Variants in KDM6A observed in about 807,000 individuals in gnomAD.
The protein encoded by KDM6A is lysine-specific demethylase 6A.
In KDM6A, 11 loss-of-function variants were observed where a neutral mutation model predicts 117.6. That is an observed-to-expected ratio of 0.09 (90% CI 0.06 to 0.15). The LOEUF is 0.15. KDM6A is among the 10% of genes least tolerant of loss of function. KDM6A has a pLI of 1.00. For synonymous variants in KDM6A, 384 were observed against 396.1 expected, an observed-to-expected ratio of 0.97 and a Z score of 0.36; for missense variants, 799 against 1,077.3, an observed-to-expected ratio of 0.74 and a Z score of 3.62.
At chrX:44,963,297 TA>T (rs903739439) in intron 3 of KDM6A, among the ~76,000 whole-genome samples, 19 of 105,303 alleles carry the variant, frequency 1.8e-4, no homozygotes, top group East Asian at 3.0e-4. Context: ...CCCCCTATCT[TA>T]AAAAAAAAAA....
At chrX:44,903,460 T>G (rs2034477008) in intron 2 of KDM6A, among the ~76,000 whole-genome samples, 1 of 111,942 alleles carries the variant, frequency 8.9e-6, no homozygotes, top group African/African-American at 3.2e-5. Flanking sequence ...TTCATTGAGC[T>G]TTTTGGACGT....
At chrX:45,025,531 T>C (rs928344289) in intron 6 of KDM6A, among the ~76,000 whole-genome samples, 2 of 107,536 alleles carry the variant, frequency 1.9e-5, no homozygotes, top group African/African-American at 6.6e-5. Context: ...CAGTATATAT[T>C]TGAAGCAGTG....
intron 4 of KDM6A, among the ~76,000 whole-genome samples, chrX:44,988,127 A>G (rs1253798526): frequency 1.8e-5 from 2 of 111,229 alleles, no homozygotes; most frequent in South Asian, 7.6e-4. Flanking sequence ...TTTTTTCTCT[A>G]AACTTCTCTT....
intron 17 of KDM6A, among the ~76,000 whole-genome samples, chrX:45,068,786 TTCTTTCTCTTTC>T (rs758877055): frequency 3.9e-4 from 33 of 85,452 alleles, no homozygotes; most frequent in East Asian, 2.3e-3. Context: ...CTCCTCTCTC[TTCTTTCTCTTTC>T]TCTTTCTCTT....
At chrX:45,013,727 A>G (rs1362970500) in intron 5 of KDM6A, among the ~76,000 whole-genome samples, 1 of 111,833 alleles carries the variant, frequency 8.9e-6, no homozygotes, top group Non-Finnish European at 1.9e-5. Context: ...CTCACACCCT[A>G]TCTTATGAAT....
intron 8 of KDM6A, among the ~76,000 whole-genome samples, chrX:45,038,708 A>G (rs2042922705): frequency 9.1e-6 from 1 of 110,352 alleles, no homozygotes; most frequent in Non-Finnish European, 1.9e-5. Context: ...ACCATGGCAC[A>G]TGTATACCTA....
rs932031182 is a variant in KDM6A, at chrX:44,896,513, A to C, written c.225+22526A>C. Among the ~76,000 whole-genome samples the C allele has an allele frequency of 9.8e-5, 11 of 111,758 alleles. No homozygotes were observed. The Admixed American group carries it at 1.0e-3, about 11-fold the overall frequency. The stretch of plus-strand genomic sequence containing the variant: ...TAGTAAGCAGAACTAAAAAAAGATA[A>C]AAAGAAACTCATGCGTAGTATGATA... On this transcript the variant is annotated intron_variant, in intron 2 of 29. Coordinates refer to ENST00000611820, the MANE Select transcript of KDM6A (RefSeq NM_001291415.2).
chrX:44,985,198 A>T (rs1176122038), intron 4 of KDM6A, among the ~76,000 whole-genome samples: 1 of 111,143 alleles, frequency 9.0e-6, no homozygotes. Flanking sequence ...TTCACTCATG[A>T]TTTGACTCTC....
chrX:44,898,517 T>A (rs900528471), intron 2 of KDM6A, among the ~76,000 whole-genome samples: 6 of 111,476 alleles, frequency 5.4e-5, no homozygotes, highest in African/African-American at 2.0e-4. Flanking sequence ...ACACCAGGCC[T>A]GTGTGTGCAG....
chrX:44,933,068 A>C (rs1347476955), intron 2 of KDM6A, among the ~76,000 whole-genome samples: 1 of 105,211 alleles, frequency 9.5e-6, no homozygotes, highest in East Asian at 3.0e-4. Context: ...TTTTATTTTT[A>C]GTAGAGACGG....
intron 2 of KDM6A, among the ~76,000 whole-genome samples, chrX:44,887,617 C>T (rs2033000577): frequency 9.0e-6 from 1 of 111,107 alleles, no homozygotes; most frequent in African/African-American, 3.3e-5. Flanking sequence ...TTGGATTGAT[C>T]CTGGAGAACC....
chrX:45,033,269 A>G (rs969257178), intron 6 of KDM6A, among the ~76,000 whole-genome samples: 3 of 112,278 alleles, frequency 2.7e-5, no homozygotes, highest in African/African-American at 9.7e-5. Context: ...TCTGTTCTCT[A>G]TTGCTATGGT....
rs10605935 is a variant in KDM6A, at chrX:45,076,679, CTTTT to C, written c.2859-8_2859-5del. 13 of 831,470 alleles carry C rather than the reference CTTTT, an allele frequency of 1.6e-5. No individual in the cohort carries two copies. Among genetic ancestry groups the C allele is most frequent in the Non-Finnish European group, 2.0e-5 (12 of 591,390 alleles). The allele number at this position is 831,470 out of a possible 1,213,427, so 68.5% of individuals were successfully genotyped here. ...CAAATAAATGTACAACTGATTATCCCTTTTTTTTTTTTTCCAGGAATCTAGGTAA... is the reference window on the plus strand; with the variant it reads ...CAAATAAATGTACAACTGATTATCCCTTTTTTTTTCCAGGAATCTAGGTAA... On this transcript the variant is annotated splice_polypyrimidine_tract_variant and intron_variant, in intron 18 of 29. Coordinates refer to ENST00000611820, the MANE Select transcript of KDM6A (RefSeq NM_001291415.2).
intron 19 of KDM6A, among the ~76,000 whole-genome samples, chrX:45,078,145 T>C (rs929578036): frequency 2.1e-4 from 24 of 112,231 alleles, no homozygotes; most frequent in African/African-American, 7.4e-4. Flanking sequence ...AACACTTTGA[T>C]TTTGAAGTTT....
chrX:45,082,283 A>G (rs2045445651), intron 21 of KDM6A: 1 of 278,779 alleles, frequency 3.6e-6, no homozygotes, highest in Non-Finnish European at 6.3e-6. Context: ...AAATACAAAA[A>G]TTAGCTGGGC....
intron 4 of KDM6A, among the ~76,000 whole-genome samples, chrX:44,975,987 G>C (rs1022097480): frequency 8.0e-5 from 9 of 112,185 alleles, no homozygotes; most frequent in African/African-American, 2.9e-4. Context: ...TTTGTGAGGT[G>C]GAAACCTGCT....
intron 4 of KDM6A, among the ~76,000 whole-genome samples, chrX:45,005,973 CCCCCACCCCCCACCACCCACCA>C (rs2041438784): frequency 1.6e-5 from 1 of 61,705 alleles, no homozygotes; most frequent in African/African-American, 7.3e-5. Flanking sequence ...CCCCCCACCC[CCCCCACCCCCCACCACCCACCA>C]CCCACCACCC....
chrX:45,099,324 C>T (rs751466957), intron 27 of KDM6A, among the ~76,000 whole-genome samples: 1 of 109,441 alleles, frequency 9.1e-6, no homozygotes, highest in African/African-American at 3.3e-5. Context: ...CTTGCCTCTC[C>T]CTATTGAATT....
At chrX:44,967,270 A>G (rs1472128184) in intron 3 of KDM6A, among the ~76,000 whole-genome samples, 1 of 111,205 alleles carries the variant, frequency 9.0e-6, no homozygotes, top group East Asian at 2.8e-4. Context: ...ACACATACTC[A>G]TACCCTCAAG....
Sources: allele counts gnomAD v4.1 joint callset (sites outside exome capture counted in the v4.1 genomes callset), GRCh38; gene constraint gnomAD v4.1.1; transcripts MANE v1.5; gene names NCBI Gene and HGNC (gene_info 2026-07-23, HGNC 2026-07-21).